Variants in UGT1A3 observed in about 807,000 individuals in gnomAD.
The protein encoded by UGT1A3 is UDP glucuronosyltransferase family 1 member A3, also known as UDP-glucuronosyltransferase 1A3.
A neutral mutation model predicts 41.0 loss-of-function variants in UGT1A3; 31 were observed. The observed-to-expected ratio is 0.76, with a 90% CI of 0.57 to 1.02. The LOEUF (loss-of-function observed/expected upper bound fraction) is 1.02. Ranked by LOEUF, UGT1A3 falls within the 50% of genes least tolerant of loss-of-function variation. The pLI, the probability that UGT1A3 is intolerant of heterozygous loss-of-function variation, is 0.00. For missense variants in UGT1A3, 737 were observed against 671.0 expected (o/e 1.10, Z -1.09); for synonymous variants, 262 against 257.6 (o/e 1.02, Z -0.17).
At chr2:233,768,912 T>C (rs923481624) in intron 4 of UGT1A3, among the ~76,000 whole-genome samples, 1 of 152,140 alleles carries the variant, frequency 6.6e-6, no homozygotes, top group African/African-American at 2.4e-5. Context: ...AATTTAGAGG[T>C]TATTATTCAC....
At chr2:233,743,695 C>T (rs751572797) in intron 1 of UGT1A3, 1 of 1,367,334 alleles carries the variant, frequency 7.3e-7, no homozygotes, top group East Asian at 4.5e-5. Flanking sequence ...TGCAGCCGCC[C>T]TCCGCCCCCG....
intron 1 of UGT1A3, among the ~76,000 whole-genome samples, chr2:233,758,117 T>C (rs1223094258): frequency 1.3e-5 from 2 of 152,208 alleles, no homozygotes; most frequent in African/African-American, 4.8e-5. Context: ...GCTCACACGT[T>C]CCATAAATAT....
intron 1 of UGT1A3, among the ~76,000 whole-genome samples, chr2:233,736,258 T>G (rs1302567098): frequency 2.0e-5 from 3 of 152,238 alleles, no homozygotes; most frequent in Non-Finnish European, 2.9e-5. Flanking sequence ...ATTTCATTAA[T>G]TTGATCTTCA....
chr2:233,760,700 C>T, intron 1 of UGT1A3: 4 of 1,614,194 alleles, frequency 2.5e-6, no homozygotes, highest in Non-Finnish European at 3.4e-6. Context: ...GAGCTCATGG[C>T]CTCCCTGGCA....
In UGT1A3 at chr2:233,749,724, G is replaced by A. The variant is rs575391114; in HGVS notation, c.868-17310G>A. Among the ~76,000 whole-genome samples the A allele has an allele frequency of 6.1e-4, 93 of 151,922 alleles. 2 individuals are homozygous for A. The highest frequency in any genetic ancestry group is 1.9e-3 in the African/African-American group (77 of 41,238). On this transcript the variant is annotated intron_variant, in intron 1 of 4. Coordinates refer to ENST00000482026, the MANE Select transcript of UGT1A3 (RefSeq NM_019093.4). ...GTGATTGGATCATGGGGGCAGTTTC[G>A]CACCTGCTGGTCTCATCATAGTGAG...
intron 1 of UGT1A3, among the ~76,000 whole-genome samples, chr2:233,731,515 A>G (rs1195217483): frequency 5.9e-5 from 9 of 152,018 alleles, no homozygotes; most frequent in Non-Finnish European, 2.9e-5. Flanking sequence ...GTTCCCACCT[A>G]TGAGTGAGAA....
At chr2:233,760,338 G>C (rs753493472) in intron 1 of UGT1A3, 4 of 1,614,036 alleles carry the variant, frequency 2.5e-6, no homozygotes, top group Admixed American at 1.7e-5. Context: ...GCCTGCTGCT[G>C]TGTGTGCTGG....
intron 4 of UGT1A3, chr2:233,770,529 A>G (rs986919893): frequency 6.6e-6 from 1 of 152,118 alleles, no homozygotes; most frequent in Non-Finnish European, 1.5e-5. Flanking sequence ...ATGGTGGTGT[A>G]TGCCTGTAAT....
At chr2:233,743,713 A>G (rs753029773) in intron 1 of UGT1A3, 5 of 1,367,332 alleles carry the variant, frequency 3.7e-6, no homozygotes, top group South Asian at 2.3e-5. Flanking sequence ...CCGCCTCGCC[A>G]TAGCGGTCAT....
At chr2:233,763,451 A>G (rs1353654111) in intron 1 of UGT1A3, among the ~76,000 whole-genome samples, 1 of 152,150 alleles carries the variant, frequency 6.6e-6, no homozygotes, top group African/African-American at 2.4e-5. Flanking sequence ...CATTTTGCCT[A>G]TTTGAATCTA....
intron 1 of UGT1A3, chr2:233,760,232 C>T: frequency 1.4e-6 from 2 of 1,429,080 alleles, no homozygotes; most frequent in South Asian, 2.6e-5. Flanking sequence ...TTGGTTTTTG[C>T]CATATATATA....
In UGT1A3 at chr2:233,767,858, C is replaced by CGGTA. The variant is rs778473109; in HGVS notation, c.1010_1013dup (p.Tyr338Ter). On this transcript the variant is annotated stop_gained and frameshift_variant, in exon 3 of 5. Transcript: ENST00000482026. LOFTEE classifies it high-confidence loss of function. ...TTTTTGCCCCTCCCAGGTCCTGTGGCGGTACACTGGAACCCGACCATCGAA... is the reference window on the plus strand; with the variant it reads ...TTTTTGCCCCTCCCAGGTCCTGTGGCGGTAGGTACACTGGAACCCGACCATCGAA... 3 of 1,614,120 alleles carry CGGTA rather than the reference C, an allele frequency of 1.9e-6. No homozygotes were observed. The highest frequency in any genetic ancestry group is 2.5e-6 in the Non-Finnish European group (3 of 1,180,018).
At chr2:233,763,407 T>C (rs888338345) in intron 1 of UGT1A3, among the ~76,000 whole-genome samples, 1 of 152,240 alleles carries the variant, frequency 6.6e-6, no homozygotes, top group African/African-American at 2.4e-5. Flanking sequence ...GCACTGGTAT[T>C]TTTAATCCAG....
At chr2:233,767,784 A>T in intron 2 of UGT1A3, 65 bp from the exon 3 acceptor site, 1 of 1,613,694 alleles carries the variant, frequency 6.2e-7, no homozygotes. Context: ...TAGTTAGTAT[A>T]GCAGATTTGT....
chr2:233,772,227 T>G, intron 4 of UGT1A3, 35 bp from the exon 5 acceptor site: 7 of 1,613,472 alleles, frequency 4.3e-6, no homozygotes, highest in Non-Finnish European at 5.1e-6. Flanking sequence ...ATACCACAGG[T>G]GTTCCAGGCA....
intron 1 of UGT1A3, chr2:233,747,109 G>A: frequency 7.1e-7 from 1 of 1,400,096 alleles, no homozygotes; most frequent in Non-Finnish European, 9.7e-7. Context: ...CCAATTACAT[G>A]ATGATTTGCT....
At chr2:233,747,140 A>T in intron 1 of UGT1A3, 1 of 1,552,466 alleles carries the variant, frequency 6.4e-7, no homozygotes. Context: ...GTGACAAGGT[A>T]ATTAAGATGA....
Position 233,729,817 on chromosome 2 carries a change from T to C in UGT1A3, c.691T>C (p.Tyr231His). Reference protein sequence around the residue: ...SYICHAFSAPYASLASELFQR... With the variant: ...SYICHAFSAPHASLASELFQR... ...CATTTGCCATGCTTTTTCTGCTCCT[T>C]ATGCAAGCCTTGCCTCTGAGCTTTT... is the stretch of plus-strand genomic sequence containing the variant. Residue 231 changes from tyrosine to histidine, a missense_variant, in exon 1 of 5, where the codon TAT (tyrosine) becomes CAT (histidine). Physicochemically the swap from Tyr to His is moderately conservative, Grantham distance 83. Coordinates refer to ENST00000482026, the MANE Select transcript of UGT1A3 (RefSeq NM_019093.4). The C allele has an allele frequency of 4.3e-6, 7 of 1,613,956 alleles. No individual in the cohort carries two copies. Among genetic ancestry groups the C allele is most frequent in the Non-Finnish European group, 5.9e-6 (7 of 1,179,850 alleles).
At chr2:233,747,812 C>A (rs1693783784) in intron 1 of UGT1A3, 1 of 1,613,462 alleles carries the variant, frequency 6.2e-7, no homozygotes, top group Non-Finnish European at 8.5e-7. Context: ...TACTAACGAC[C>A]AATTCAGACC....
Sources: allele counts gnomAD v4.1 joint callset (sites outside exome capture counted in the v4.1 genomes callset), GRCh38; gene constraint gnomAD v4.1.1; transcripts MANE v1.5; gene names NCBI Gene and HGNC (gene_info 2026-07-23, HGNC 2026-07-21).